JADE3: variants seen among roughly 807,000 people sequenced by gnomAD.
The protein encoded by JADE3 is jade family PHD finger 3.
JADE3 carries 2 observed loss-of-function variants against 50.1 expected under a neutral mutation model. The observed-to-expected ratio is 0.04, with a 90% confidence interval of 0.02 to 0.13. The LOEUF (loss-of-function observed/expected upper bound fraction) is 0.13. Ranked by LOEUF, JADE3 falls within the 10% of genes least tolerant of loss-of-function variation. JADE3 has a pLI of 1.00. For missense variants in JADE3, 475 were observed against 634.4 expected, an observed-to-expected ratio of 0.75 and a Z score of 2.70; for synonymous variants, 218 against 232.9, an observed-to-expected ratio of 0.94 and a Z score of 0.58.
intron 8 of JADE3, among the ~76,000 whole-genome samples, chrX:47,040,121 T>C (rs1929225524): frequency 1.8e-5 from 2 of 112,106 alleles, no homozygotes; most frequent in Non-Finnish European, 3.8e-5. Context: ...ATAAGATGGC[T>C]CTTCTGGCTA....
At position 46,982,527 on chromosome X, in the gene JADE3, C is replaced by T. The variant is rs1018163618; in HGVS notation, c.-11-2357C>T. On this transcript the variant is annotated intron_variant, in intron 1 of 10. Coordinates refer to ENST00000614628, the MANE Select transcript of JADE3 (RefSeq NM_014735.5). ...TCTTAAGTTTTTGTTGGAAACTGGG[C>T]ATTTTGGATAATATATTGTAACAAT... is the stretch of plus-strand genomic sequence containing the variant. Among the ~76,000 whole-genome samples, 3 of 111,439 alleles carry T rather than the reference C, an allele frequency of 2.7e-5. No individual in the cohort carries two copies. The East Asian group carries it at 8.4e-4, about 31-fold the overall frequency.
At chrX:47,050,493 T>C (rs1440790788) in intron 8 of JADE3, among the ~76,000 whole-genome samples, 2 of 111,816 alleles carry the variant, frequency 1.8e-5, no homozygotes, top group African/African-American at 6.5e-5. Context: ...CTCCCAATTA[T>C]AACTTCGTAC....
intron 1 of JADE3, among the ~76,000 whole-genome samples, chrX:46,932,723 T>G (rs1556340131): frequency 8.9e-6 from 1 of 112,083 alleles, no homozygotes; most frequent in Non-Finnish European, 1.9e-5. Context: ...ATGCTAGTAC[T>G]TGAAGAGGTC....
rs528805578 is a variant in JADE3 at position 46,948,874 on chromosome X, T to C, written c.-11-36010T>C. Among the ~76,000 whole-genome samples the C allele has an allele frequency of 3.6e-5, 4 of 111,720 alleles. No homozygotes were observed. The East Asian group carries it at 1.1e-3, about 31-fold the overall frequency. On this transcript the variant is annotated intron_variant, in intron 1 of 10. Coordinates refer to ENST00000614628, the MANE Select transcript of JADE3 (RefSeq NM_014735.5). ...TGAATTCTGTCACTATAGACTAATG[T>C]CATTTTCACACTTTGTGTAGATGGA...
intron 1 of JADE3, among the ~76,000 whole-genome samples, chrX:46,933,768 A>G (rs150444880): frequency 4.5e-5 from 5 of 111,914 alleles, no homozygotes; most frequent in African/African-American, 6.5e-5. Context: ...TCTACTATTT[A>G]ATGTTTCACA....
chrX:47,007,404 T>C (rs1397397295), intron 4 of JADE3, among the ~76,000 whole-genome samples: 1 of 111,977 alleles, frequency 8.9e-6, no homozygotes, highest in African/African-American at 3.2e-5. Context: ...CATGGATTTG[T>C]CCATTTCCAC....
chrX:47,001,244 T>C (rs1311746354), intron 4 of JADE3, among the ~76,000 whole-genome samples: 1 of 111,532 alleles, frequency 9.0e-6, no homozygotes, highest in East Asian at 2.8e-4. Flanking sequence ...TCAGAATCAT[T>C]TGGAGGGCTT....
At chrX:46,991,760 C>A (rs1928014019) in intron 3 of JADE3, among the ~76,000 whole-genome samples, 1 of 111,812 alleles carries the variant, frequency 8.9e-6, no homozygotes, top group Non-Finnish European at 1.9e-5. Flanking sequence ...TTTGTCTCTC[C>A]TCTTGGCTCA....
chrX:47,043,889 T>G (rs1172622020), intron 8 of JADE3, among the ~76,000 whole-genome samples: 1 of 109,398 alleles, frequency 9.1e-6, no homozygotes, highest in Non-Finnish European at 1.9e-5. Flanking sequence ...AAAATGCAAT[T>G]GACAGACTGA....
intron 6 of JADE3, among the ~76,000 whole-genome samples, chrX:47,028,538 C>T (rs1432906181): frequency 9.1e-6 from 1 of 110,255 alleles, no homozygotes; most frequent in Non-Finnish European, 1.9e-5. Flanking sequence ...ACTTGTAACC[C>T]TCCCCCATCC....
chrX:47,050,008 G>A (rs5906316), intron 8 of JADE3, among the ~76,000 whole-genome samples: 37,570 of 107,752 alleles, frequency 0.35, 7,864 homozygotes, highest in African/African-American at 0.77. Flanking sequence ...TGGCACAATC[G>A]TGGCTCCTTT....
chrX:46,984,951 C>A lies in JADE3; in HGVS notation c.46+11C>A. On this transcript the variant is annotated intron_variant, in intron 2 of 10. Transcript: ENST00000614628. Reference sequence around the variant, plus strand: ...ACAGTTCAGACGAAAGTGAGTAGAACCGGCTGGCAGCTGGTAACCTTTCTA... The same window carrying A: ...ACAGTTCAGACGAAAGTGAGTAGAAACGGCTGGCAGCTGGTAACCTTTCTA... 8.4e-7 allele frequency: 1 copy of A among 1,192,099 alleles called. No individual in the cohort carries two copies. The highest frequency in any genetic ancestry group is 3.0e-5 in the East Asian group (1 of 33,786).
intron 4 of JADE3, among the ~76,000 whole-genome samples, chrX:47,015,536 A>G (rs782813373): frequency 4.4e-4 from 46 of 105,458 alleles, no homozygotes; most frequent in Non-Finnish European, 7.3e-4. Context: ...GTGAGCCAAG[A>G]TTGTGCCACT....
chrX:47,059,102 ACCTTTG>A lies in JADE3; in HGVS notation c.*34_*39del, dbSNP rs1408338583. 1.8e-6 allele frequency: 2 copies of A among 1,106,529 alleles called. No homozygotes were observed. Among genetic ancestry groups the A allele is most frequent in the African/African-American group, 3.6e-5 (2 of 55,008 alleles). 91.2% of individuals were successfully genotyped at this position (1,106,529 alleles called of 1,213,427 possible). A position where few individuals can be genotyped will look rare whatever the true frequency, so the allele number is the denominator to read the frequency against. ...ATTAGAAACTTCCAAGGATGACCCA[ACCTTTG>A]CCTTTGCCCCATATATTGGGGAAAA... On this transcript the variant is annotated 3_prime_UTR_variant, in exon 11 of 11. Transcript: ENST00000614628.
Position 46,914,856 on chromosome X carries a change from G to T in JADE3, c.-12+2137G>T, listed in dbSNP as rs5906290. Among the ~76,000 whole-genome samples the T allele has an allele frequency of 6.6e-3, 743 of 112,147 alleles. 3 individuals carry two copies. The highest frequency in any genetic ancestry group is 0.011 in the Non-Finnish European group (594 of 53,190). On this transcript the variant is annotated intron_variant, in intron 1 of 10. Transcript: ENST00000614628. Reference sequence around the variant, plus strand: ...AAGGCTTCCCACTCCTCCCTGAAGTGTTGTGACCCACCTTCAGGCCCGTAG... The same window carrying T: ...AAGGCTTCCCACTCCTCCCTGAAGTTTTGTGACCCACCTTCAGGCCCGTAG...
Position 46,980,176 on chromosome X carries a change from G to A in JADE3, c.-11-4708G>A, listed in dbSNP as rs147818134. On this transcript the variant is annotated intron_variant, in intron 1 of 10. Transcript: ENST00000614628. The stretch of plus-strand genomic sequence containing the variant: ...ATTACAGGTGCGAGCCACCATGCCC[G>A]GCCCATCTCTTGATTTTTAATTAGG... Among the ~76,000 whole-genome samples the A allele has an allele frequency of 5.6e-3, 617 of 110,387 alleles. 2 individuals are homozygous for A. Among genetic ancestry groups the A allele is most frequent in the African/African-American group, 0.019 (578 of 30,406 alleles).
chrX:46,995,754 G>A (rs1256001252), intron 3 of JADE3, among the ~76,000 whole-genome samples: 1 of 111,458 alleles, frequency 9.0e-6, no homozygotes, highest in Non-Finnish European at 1.9e-5. Context: ...CATCCACTCA[G>A]CATTTTATGT....
At chrX:46,941,775 C>T (rs1466428574) in intron 1 of JADE3, among the ~76,000 whole-genome samples, 2 of 109,350 alleles carry the variant, frequency 1.8e-5, no homozygotes, top group African/African-American at 6.7e-5. Context: ...ACTCTGTTGC[C>T]CAGGCTGGAG....
chrX:47,018,611 G>T (rs1928727620), intron 4 of JADE3, among the ~76,000 whole-genome samples: 1 of 112,135 alleles, frequency 8.9e-6, no homozygotes, highest in African/African-American at 3.2e-5. Flanking sequence ...TGGGATTACA[G>T]GTGTGAGCCG....
Sources: gnomAD v4.1 joint callset for allele counts (sites outside exome capture counted in the v4.1 genomes callset) on GRCh38, gnomAD v4.1.1 for gene constraint, MANE v1.5 for transcripts, NCBI Gene and HGNC (gene_info 2026-07-23, HGNC 2026-07-21) for gene names.